NBEA: variants seen among roughly 807,000 people sequenced by gnomAD.
The protein encoded by NBEA is neurobeachin, also known as lysosomal-trafficking regulator 2.
In NBEA, 44 loss-of-function variants were observed where a neutral mutation model predicts 343.4. That is an observed-to-expected ratio of 0.13 (90% CI 0.10 to 0.16). The LOEUF is 0.16. Ranked by LOEUF, NBEA falls within the 10% of genes least tolerant of loss-of-function variation. The pLI, the probability that NBEA is intolerant of heterozygous loss-of-function variation, is 1.00. For missense variants in NBEA, 2,555 were observed against 3,631.3 expected (o/e 0.70, Z 7.62); for synonymous variants, 1,175 against 1,238.7 (o/e 0.95, Z 1.08).
chr13:35,633,953 G>T (rs1015335870), intron 49 of NBEA, among the ~76,000 whole-genome samples: 1 of 152,056 alleles, frequency 6.6e-6, no homozygotes, highest in Non-Finnish European at 1.5e-5. Context: ...ATTTTATAAA[G>T]ATGGCCTAAT....
At chr13:35,154,254 G>A (rs929375154) in intron 18 of NBEA, among the ~76,000 whole-genome samples, 3 of 152,114 alleles carry the variant, frequency 2.0e-5, no homozygotes, top group Non-Finnish European at 2.9e-5. Context: ...TCTGGATGTC[G>A]TGGTCCTTTT....
chr13:35,629,275 T>C (rs1038203124), intron 49 of NBEA, among the ~76,000 whole-genome samples: 2 of 152,190 alleles, frequency 1.3e-5, no homozygotes, highest in Non-Finnish European at 2.9e-5. Context: ...CAAGTAATCA[T>C]TTCTGCATCT....
intron 36 of NBEA, among the ~76,000 whole-genome samples, chr13:35,340,596 A>T (rs1275943046): frequency 6.6e-6 from 1 of 152,106 alleles, no homozygotes; most frequent in Non-Finnish European, 1.5e-5. Context: ...TTAACTGTAC[A>T]ATTAAATGCT....
intron 34 of NBEA, among the ~76,000 whole-genome samples, chr13:35,246,881 T>C (rs1313654659): frequency 1.3e-5 from 2 of 152,132 alleles, no homozygotes; most frequent in Non-Finnish European, 2.9e-5. Context: ...TGTCTTCAGC[T>C]ACCAGGGTGG....
chr13:35,607,758 TAA>T (rs56180939), intron 48 of NBEA, among the ~76,000 whole-genome samples: 4 of 149,218 alleles, frequency 2.7e-5, no homozygotes, highest in Non-Finnish European at 3.0e-5. Context: ...TCATTTAAAG[TAA>T]AAAAAAAATG....
chr13:35,110,427 A>G (rs2066143526), intron 12 of NBEA, among the ~76,000 whole-genome samples: 1 of 152,146 alleles, frequency 6.6e-6, no homozygotes, highest in African/African-American at 2.4e-5. Context: ...GATATGCTTT[A>G]GCTGACTGAT....
At chr13:34,965,834 A>C (rs1021387917) in intron 1 of NBEA, among the ~76,000 whole-genome samples, 1 of 152,056 alleles carries the variant, frequency 6.6e-6, no homozygotes, top group African/African-American at 2.4e-5. Context: ...AAGTTCTGGA[A>C]AACAGTTGTT....
At chr13:35,215,623 A>C (rs562175126) in intron 33 of NBEA, among the ~76,000 whole-genome samples, 17 of 151,820 alleles carry the variant, frequency 1.1e-4, no homozygotes, top group Admixed American at 1.1e-3. Context: ...TATTGATTTT[A>C]TATTTTATAA....
At chr13:35,016,835 G>C (rs1268076147) in intron 1 of NBEA, among the ~76,000 whole-genome samples, 1 of 152,156 alleles carries the variant, frequency 6.6e-6, no homozygotes, top group Non-Finnish European at 1.5e-5. Context: ...TTAAGAGCAT[G>C]TTAGAAAGAA....
At chr13:35,164,245 T>C (rs2069812798) in intron 23 of NBEA, 111 bp from the exon 24 acceptor site, 2 of 899,602 alleles carry the variant, frequency 2.2e-6, no homozygotes, top group Non-Finnish European at 3.2e-6. Context: ...AATTTAATTT[T>C]AAATATAGCT....
intron 34 of NBEA, 136 bp downstream of exon 34, chr13:35,232,755 C>A: frequency 1.5e-6 from 1 of 673,202 alleles, no homozygotes; most frequent in Non-Finnish European, 2.2e-6. Context: ...ATAAGATATT[C>A]AATATGTTTT....
At position 35,558,555 on chromosome 13, in the gene NBEA, CA is replaced by C. The variant is rs374482205; in HGVS notation, c.6922+3459del. On this transcript the variant is annotated intron_variant, in intron 44 of 58. Transcript: ENST00000379939. ...TGACACTTTGTACAATATCATTATA[CA>C]AAAAAGTTTCACTGTCATTTGTTCT... Among the ~76,000 whole-genome samples, 980 of 152,172 alleles carry C rather than the reference CA, an allele frequency of 6.4e-3. 12 individuals carry two copies. Among genetic ancestry groups the C allele is most frequent in the African/African-American group, 0.022 (931 of 41,524 alleles).
At chr13:35,553,396 A>T (rs1370956322) in intron 43 of NBEA, among the ~76,000 whole-genome samples, 1 of 152,086 alleles carries the variant, frequency 6.6e-6, no homozygotes, top group Non-Finnish European at 1.5e-5. Flanking sequence ...ATACATCCTT[A>T]GAAGTACCAA....
chr13:35,007,868 G>A (rs1164280564), intron 1 of NBEA, among the ~76,000 whole-genome samples: 2 of 152,066 alleles, frequency 1.3e-5, no homozygotes, highest in African/African-American at 4.8e-5. Context: ...AGTCATTTGT[G>A]TATCTGCTTC....
At position 35,615,882 on chromosome 13, in the gene NBEA, C is replaced by T. The variant is rs73501192; in HGVS notation, c.7449+9304C>T. On this transcript the variant is annotated intron_variant, in intron 48 of 58. Transcript: ENST00000379939. The stretch of plus-strand genomic sequence containing the variant: ...CTTTTAGGGCCTGACTGTCTATGGT[C>T]CCTGTTTCTATATCTTTTACCCTCC... 1.9e-3 allele frequency among the ~76,000 whole-genome samples: 284 copies of T among 152,204 alleles called. 2 individuals are homozygous for T. Among genetic ancestry groups the T allele is most frequent in the African/African-American group, 6.5e-3 (272 of 41,554 alleles).
rs530166662 is a variant in NBEA at position 35,074,656 on chromosome 13, A to G, written c.1571+3804A>G. The stretch of plus-strand genomic sequence containing the variant: ...TAGTGGTACATGGCATTTATTGAAT[A>G]CATACTGTGTGCTAGTCACTTATTT... On this transcript the variant is annotated intron_variant, in intron 10 of 58. Transcript: ENST00000379939. 2.0e-5 allele frequency among the ~76,000 whole-genome samples: 3 copies of G among 152,290 alleles called. No homozygotes were observed. In the East Asian group the frequency reaches 5.8e-4, roughly 29 times the overall value.
chr13:35,521,183 A>G (rs2077694118), intron 41 of NBEA, among the ~76,000 whole-genome samples: 1 of 151,890 alleles, frequency 6.6e-6, no homozygotes, highest in African/African-American at 2.4e-5. Context: ...ATGAATAATT[A>G]CTATTTAATA....
At chr13:35,430,528 G>A (rs955759203) in intron 38 of NBEA, among the ~76,000 whole-genome samples, 1 of 152,162 alleles carries the variant, frequency 6.6e-6, no homozygotes, top group Non-Finnish European at 1.5e-5. Flanking sequence ...CTAAGCCAAT[G>A]TCTAGAAGAG....
At chr13:34,984,691 G>A (rs1470146625) in intron 1 of NBEA, among the ~76,000 whole-genome samples, 1 of 151,008 alleles carries the variant, frequency 6.6e-6, no homozygotes, top group East Asian at 1.9e-4. Flanking sequence ...TCTTCCATTT[G>A]TTTGTGTTCT....
Sources: allele counts gnomAD v4.1 joint callset (sites outside exome capture counted in the v4.1 genomes callset), GRCh38; gene constraint gnomAD v4.1.1; transcripts MANE v1.5; gene names NCBI Gene and HGNC (gene_info 2026-07-23, HGNC 2026-07-21).